Variants in THBS4 observed in about 807,000 individuals in gnomAD.
The protein encoded by THBS4 is thrombospondin-4.
A neutral mutation model predicts 115.7 loss-of-function variants in THBS4; 90 were observed. The ratio of observed to expected loss-of-function variants is 0.78; its 90% confidence interval spans 0.66 to 0.93. The LOEUF (loss-of-function observed/expected upper bound fraction) is 0.93. Ranked by LOEUF, THBS4 falls within the 40% of genes least tolerant of loss-of-function variation. The pLI is 0.00. For missense variants in THBS4, 1,087 were observed against 1,232.7 expected (o/e 0.88, Z 1.77); for synonymous variants, 460 against 479.3 (o/e 0.96, Z 0.53).
intron 2 of THBS4, among the ~76,000 whole-genome samples, chr5:80,007,840 A>G (rs1226641902): frequency 7.9e-5 from 12 of 152,176 alleles, no homozygotes; most frequent in Admixed American, 7.9e-4. Flanking sequence ...ACTGATGTGG[A>G]TGGCATGTTG....
chr5:80,067,263 C>T (rs1833864101), intron 9 of THBS4: 1 of 152,054 alleles, frequency 6.6e-6, no homozygotes, highest in Non-Finnish European at 1.5e-5. Context: ...ACGTATATCA[C>T]ATCATCACAC....
intron 2 of THBS4, among the ~76,000 whole-genome samples, chr5:80,009,597 T>A (rs1350380050): frequency 6.6e-6 from 1 of 152,090 alleles, no homozygotes; most frequent in Non-Finnish European, 1.5e-5. Flanking sequence ...TCCACTCAAA[T>A]TCTTTGTGAT....
intron 2 of THBS4, among the ~76,000 whole-genome samples, chr5:80,009,387 TC>T (rs1832078125): frequency 6.6e-6 from 1 of 152,234 alleles, no homozygotes; most frequent in African/African-American, 2.4e-5. Context: ...AAAGTGTTGT[TC>T]CTTCTATTTT....
At chr5:80,010,285 G>A (rs1832098395) in intron 2 of THBS4, among the ~76,000 whole-genome samples, 1 of 152,184 alleles carries the variant, frequency 6.6e-6, no homozygotes, top group Non-Finnish European at 1.5e-5. Context: ...TATATGCTAA[G>A]CTGCTCTAAG....
Position 80,056,023 on chromosome 5 carries a change from G to A in THBS4, c.531G>A (p.Arg177=). The A allele has an allele frequency of 6.2e-7, 1 of 1,604,642 alleles. No individual in the cohort carries two copies. Among genetic ancestry groups the A allele is most frequent in the African/African-American group, 1.3e-5 (1 of 74,614 alleles). The change falls in exon 3 of 22, where the codon AGG becomes AGA. Residue 177 remains arginine (R), a synonymous_variant. Transcript: ENST00000350881. The part of the protein sequence containing the change: ...PETIELRTFQ[R]KPQDFLEELK... ...CCATTGAATTGAGGACTTTCCAGAGGAAGCCACAGGTAGGAACCCACAAAC... is the reference window on the plus strand; with the variant it reads ...CCATTGAATTGAGGACTTTCCAGAGAAAGCCACAGGTAGGAACCCACAAAC...
chr5:80,022,336 T>C (rs1405985539), intron 2 of THBS4, among the ~76,000 whole-genome samples: 3 of 152,228 alleles, frequency 2.0e-5, no homozygotes. Flanking sequence ...TCAGGGTATG[T>C]CATCACATTA....
chr5:80,080,814 T>G (rs1418698194), intron 20 of THBS4, among the ~76,000 whole-genome samples: 1 of 152,032 alleles, frequency 6.6e-6, no homozygotes, highest in East Asian at 1.9e-4. Context: ...CTTGATCTCC[T>G]GACCTCGTGA....
At chr5:80,059,992 AG>A in intron 7 of THBS4, 87 bp downstream of exon 7, 3 of 1,350,542 alleles carry the variant, frequency 2.2e-6, no homozygotes, top group Non-Finnish European at 2.1e-6. Flanking sequence ...CTGATGATTA[AG>A]GGCTGACTTG....
At chr5:80,016,813 T>C (rs1449431434) in intron 2 of THBS4, among the ~76,000 whole-genome samples, 1 of 152,178 alleles carries the variant, frequency 6.6e-6, no homozygotes, top group African/African-American at 2.4e-5. Flanking sequence ...AATTCCAACG[T>C]TTGATGAACT....
At position 80,080,044 on chromosome 5, in the gene THBS4, T is replaced by A. The variant is rs752729979; in HGVS notation, c.2651T>A (p.Phe884Tyr). ...GWKDKVSYRWFLQHRPQVGYI... is the reference protein window; with the variant it reads ...GWKDKVSYRWYLQHRPQVGYI... ...AAGGACAAGGTGTCCTACCGCTGGTTCCTACAGCACAGGCCCCAGGTGGGC... is the reference window on the plus strand; with the variant it reads ...AAGGACAAGGTGTCCTACCGCTGGTACCTACAGCACAGGCCCCAGGTGGGC... Residue 884 changes from phenylalanine (F) to tyrosine (Y), a missense_variant, in exon 20 of 22, where the codon TTC becomes TAC. Phe to Tyr is a conservative substitution (Grantham distance 22, BLOSUM62 3). Coordinates refer to ENST00000350881, the MANE Select transcript of THBS4 (RefSeq NM_003248.6). The A allele has an allele frequency of 2.5e-6, 4 of 1,614,126 alleles. No individual in the cohort carries two copies. In the East Asian group the frequency reaches 6.7e-5, roughly 27 times the overall value.
At chr5:79,998,318 T>C in intron 1 of THBS4, 1 of 152,668 alleles carries the variant, frequency 6.6e-6, no homozygotes, top group Non-Finnish European at 1.5e-5. Flanking sequence ...TTCTCTCTCT[T>C]CCTCCTGCTC....
At chr5:80,041,965 A>G (rs931091905) in intron 2 of THBS4, among the ~76,000 whole-genome samples, 2 of 152,246 alleles carry the variant, frequency 1.3e-5, no homozygotes, top group African/African-American at 4.8e-5. Flanking sequence ...CTTAACTTTC[A>G]TAGGACTCTA....
At chr5:79,991,955 A>G (rs1264949128) in intron 1 of THBS4, among the ~76,000 whole-genome samples, 5 of 152,216 alleles carry the variant, frequency 3.3e-5, no homozygotes, top group Non-Finnish European at 7.3e-5. Context: ...GAAGAGGGCT[A>G]GCTTCATAGG....
At chr5:80,054,153 T>C (rs1259872809) in intron 2 of THBS4, among the ~76,000 whole-genome samples, 1 of 112,922 alleles carries the variant, frequency 8.9e-6, no homozygotes, top group Non-Finnish European at 1.8e-5. Flanking sequence ...CCTTTTCTTT[T>C]CTTTTCTTTT....
At position 80,078,904 on chromosome 5, in the gene THBS4, C is replaced by T. The variant is rs372627675; in HGVS notation, c.2266-17C>T. The T allele has an allele frequency of 1.9e-6, 3 of 1,613,040 alleles. No homozygotes were observed. The highest frequency in any genetic ancestry group is 2.2e-5 in the East Asian group (1 of 44,850). On this transcript the variant is annotated splice_polypyrimidine_tract_variant and intron_variant, in intron 17 of 21. Transcript: ENST00000350881. ...CCCCTTCAAGACTGTTCTGAACTCC[C>T]TCAACTCTCTCTGCAGGGCATGGAG...
intron 2 of THBS4, among the ~76,000 whole-genome samples, chr5:80,050,886 G>T (rs1343596955): frequency 6.6e-6 from 1 of 152,040 alleles, no homozygotes; most frequent in Non-Finnish European, 1.5e-5. Flanking sequence ...ATTTGGCAAA[G>T]ACAGTTTCAT....
Position 80,073,290 on chromosome 5 carries a change from GA to G in THBS4, c.1856del (p.Asp619ValfsTer109). On this transcript the variant is annotated frameshift_variant, in exon 15 of 22. Transcript: ENST00000350881. LOFTEE classifies it high-confidence loss of function. ...SNPNQSDVDN[D>X]LVGDSCDTNQ... ...CTCTTTGCAGTCTGATGTGGATAAT[GA>G]TCTGGTTGGGGACTCCTGTGACACC... 6.2e-7 allele frequency: 1 copy of G among 1,614,016 alleles called. No homozygotes were observed. Among genetic ancestry groups the G allele is most frequent in the Non-Finnish European group, 8.5e-7 (1 of 1,179,998 alleles).
chr5:80,025,253 C>T (rs1580920622), intron 2 of THBS4, among the ~76,000 whole-genome samples: 1 of 152,030 alleles, frequency 6.6e-6, no homozygotes, highest in East Asian at 1.9e-4. Flanking sequence ...AATAAACATG[C>T]ATATATATGC....
chr5:80,061,938 C>T (rs1833652488), intron 8 of THBS4, 106 bp downstream of exon 8: 1 of 1,231,090 alleles, frequency 8.1e-7, no homozygotes, highest in Non-Finnish European at 1.1e-6. Context: ...CAGTCAAGGC[C>T]ATGTGGAATG....
Sources: allele counts gnomAD v4.1 joint callset (sites outside exome capture counted in the v4.1 genomes callset), GRCh38; gene constraint gnomAD v4.1.1; transcripts MANE v1.5; gene names NCBI Gene and HGNC (gene_info 2026-07-23, HGNC 2026-07-21).